The following PNOC variants were observed in gnomAD, a reference collection of about 807,000 sequenced individuals.
The protein encoded by PNOC is prepronociceptin.
PNOC carries 10 observed loss-of-function variants against 15.6 expected under a neutral mutation model. The observed-to-expected ratio is 0.64, with a 90% CI of 0.40 to 1.09. The LOEUF (loss-of-function observed/expected upper bound fraction) is 1.09, where lower values mean the gene tolerates loss of function less well. Among genes scored for constraint, PNOC ranks in the 50% least tolerant of loss-of-function variants. The pLI is 0.01. For synonymous variants in PNOC, 98 were observed against 88.5 expected, an observed-to-expected ratio of 1.11 and a Z score of -0.60; for missense variants, 220 against 223.9, an observed-to-expected ratio of 0.98 and a Z score of 0.11.
At chr8:28,337,658 C>T (rs1266833358) in intron 2 of PNOC, among the ~76,000 whole-genome samples, 1 of 148,986 alleles carries the variant, frequency 6.7e-6, no homozygotes, top group Non-Finnish European at 1.5e-5. Context: ...TCTCGGTTCA[C>T]TGCAAGCTCC....
chr8:28,339,232 G>A lies in PNOC; in HGVS notation c.319G>A (p.Glu107Lys). 6.2e-7 allele frequency: 1 copy of A among 1,611,348 alleles called. No individual in the cohort carries two copies. Reference protein sequence around the residue: ...RMPRVRSLFQEQEEPEPGMEE... With the variant: ...RMPRVRSLFQKQEEPEPGMEE... ...GCCCCGAGTCCGGAGCTTGTTCCAGGAGCAGGAAGAGCCCGAGCCTGGCAT... is the reference window on the plus strand; with the variant it reads ...GCCCCGAGTCCGGAGCTTGTTCCAGAAGCAGGAAGAGCCCGAGCCTGGCAT... Residue 107 changes from glutamate (E) to lysine (K), a missense_variant, in exon 3 of 4, where the codon GAG becomes AAG. Coordinates refer to ENST00000301908, the MANE Select transcript of PNOC (RefSeq NM_006228.5).
chr8:28,333,590 T>C (rs351775), intron 2 of PNOC, among the ~76,000 whole-genome samples: 49,801 of 152,130 alleles, frequency 0.33, 10,011 homozygotes, highest in Non-Finnish European at 0.46. Flanking sequence ...ATGATTTTGT[T>C]AGCATCTAAT....
intron 1 of PNOC, among the ~76,000 whole-genome samples, chr8:28,319,625 C>CA (rs1801114344): frequency 1.3e-5 from 2 of 152,206 alleles, no homozygotes; most frequent in Admixed American, 6.5e-5. Context: ...CACATATGCA[C>CA]ACTGGTAGGA....
At chr8:28,338,471 A>G (rs528414338) in intron 2 of PNOC, 95 of 457,668 alleles carry the variant, frequency 2.1e-4, no homozygotes, top group Admixed American at 6.4e-5. Flanking sequence ...CAGGGTCTTG[A>G]CCCCATTTGC....
At chr8:28,325,133 C>T (rs1449673111) in intron 1 of PNOC, among the ~76,000 whole-genome samples, 3 of 152,322 alleles carry the variant, frequency 2.0e-5, no homozygotes, top group East Asian at 3.9e-4. Flanking sequence ...CACCGCCACT[C>T]TGCAGCGTGG....
chr8:28,337,628 C>T (rs1471515318), intron 2 of PNOC, among the ~76,000 whole-genome samples: 1 of 144,064 alleles, frequency 6.9e-6, no homozygotes, highest in Admixed American at 7.3e-5. Flanking sequence ...TGTCGCCCAG[C>T]GTCAAGTGCA....
At chr8:28,330,400 T>TATTTTATTTTATTTTTTTTTTTA (rs1431540071) in intron 2 of PNOC, among the ~76,000 whole-genome samples, 6 of 102,248 alleles carry the variant, frequency 5.9e-5, no homozygotes, top group Non-Finnish European at 1.0e-4. Context: ...TATTTTATTT[T>TATTTTATTTTATTTTTTTTTTTA]TTTTTTTTTT....
At chr8:28,326,247 G>A (rs1801223514) in intron 1 of PNOC, among the ~76,000 whole-genome samples, 1 of 152,072 alleles carries the variant, frequency 6.6e-6, no homozygotes, top group Non-Finnish European at 1.5e-5. Context: ...AGCTACTTGG[G>A]AGGCTGAGGT....
At chr8:28,337,586 T>TG (rs1441830896) in intron 2 of PNOC, among the ~76,000 whole-genome samples, 6 of 146,370 alleles carry the variant, frequency 4.1e-5, no homozygotes, top group African/African-American at 7.5e-5. Context: ...GTTTCCTTTT[T>TG]TTTTTTTTTT....
chr8:28,329,440 G>A (rs1307445988), intron 2 of PNOC, among the ~76,000 whole-genome samples, 157 bp downstream of exon 2: 1 of 152,174 alleles, frequency 6.6e-6, no homozygotes, highest in South Asian at 2.1e-4. Context: ...GATCAGACAG[G>A]AGCTGCTCTT....
At chr8:28,321,127 C>T (rs1052473148) in intron 1 of PNOC, among the ~76,000 whole-genome samples, 2 of 151,986 alleles carry the variant, frequency 1.3e-5, no homozygotes, top group Non-Finnish European at 2.9e-5. Context: ...CAGACTCAAC[C>T]TCCTGGGCCC....
chr8:28,335,991 G>A (rs1585838182), intron 2 of PNOC, among the ~76,000 whole-genome samples: 1 of 143,200 alleles, frequency 7.0e-6, no homozygotes, highest in South Asian at 2.2e-4. Flanking sequence ...GATAAGCAAA[G>A]GGTGGCAGCA....
intron 2 of PNOC, among the ~76,000 whole-genome samples, chr8:28,338,093 C>T (rs351786): frequency 6.6e-6 from 1 of 152,020 alleles, no homozygotes; most frequent in African/African-American, 2.4e-5. Flanking sequence ...TGCCTACTGA[C>T]TCACAGCAGT....
chr8:28,330,870 T>G (rs1392350961), intron 2 of PNOC, among the ~76,000 whole-genome samples: 1 of 152,202 alleles, frequency 6.6e-6, no homozygotes, highest in African/African-American at 2.4e-5. Context: ...AGATAGTTAC[T>G]CCTCTCCTAT....
intron 2 of PNOC, among the ~76,000 whole-genome samples, chr8:28,336,485 G>A (rs145974453): frequency 6.6e-6 from 1 of 152,332 alleles, no homozygotes; most frequent in East Asian, 1.9e-4. Context: ...GGGACAGAGA[G>A]AAAGGCATGC....
intron 2 of PNOC, among the ~76,000 whole-genome samples, chr8:28,330,357 G>A (rs1305068816): frequency 7.9e-6 from 1 of 126,154 alleles, no homozygotes; most frequent in Non-Finnish European, 1.7e-5. Flanking sequence ...GAACAGGTAT[G>A]TGCCCTTTAT....
chr8:28,336,571 C>A (rs1254279307), intron 2 of PNOC, among the ~76,000 whole-genome samples: 2 of 152,112 alleles, frequency 1.3e-5, no homozygotes, highest in African/African-American at 2.4e-5. Flanking sequence ...GATGAAGAAT[C>A]GGAAATAAGA....
Position 28,339,019 on chromosome 8 carries a change from C to A in PNOC, c.127-21C>A, listed in dbSNP as rs1316072577. 2.6e-6 allele frequency: 4 copies of A among 1,558,196 alleles called. No individual in the cohort carries two copies. In the African/African-American group the frequency reaches 5.4e-5, roughly 21 times the overall value. ...AGAGGTCCTTGTTCCTTCTCCCCTC[C>A]TCTCACCCGTATCTTTGCAGGTGTG... On this transcript the variant is annotated intron_variant, in intron 2 of 3. Coordinates refer to ENST00000301908, the MANE Select transcript of PNOC (RefSeq NM_006228.5).
At chr8:28,329,544 C>T (rs1339883670) in intron 2 of PNOC, among the ~76,000 whole-genome samples, 1 of 152,234 alleles carries the variant, frequency 6.6e-6, no homozygotes, top group African/African-American at 2.4e-5. Context: ...AATAATGTTA[C>T]TCATTTCAGA....
Sources: gnomAD v4.1 joint callset for allele counts (sites outside exome capture counted in the v4.1 genomes callset) on GRCh38, gnomAD v4.1.1 for gene constraint, MANE v1.5 for transcripts, NCBI Gene and HGNC (gene_info 2026-07-23, HGNC 2026-07-21) for gene names.